KALRN: variants seen among roughly 807,000 people sequenced by gnomAD.
KALRN encodes kalirin RhoGEF kinase, also known as kalirin.
KALRN carries 70 observed loss-of-function variants against 353.7 expected under a neutral mutation model. That is an observed-to-expected ratio of 0.20 (90% CI 0.16 to 0.24). The LOEUF (loss-of-function observed/expected upper bound fraction) is 0.24. Among genes scored for constraint, KALRN ranks in the 10% least tolerant of loss-of-function variants. The pLI, the probability that KALRN is intolerant of heterozygous loss-of-function variation, is 1.00. For missense variants in KALRN, 2,791 were observed against 3,756.7 expected (o/e 0.74, Z 6.72); for synonymous variants, 1,391 against 1,434.8 (o/e 0.97, Z 0.69).
intron 56 of KALRN, among the ~76,000 whole-genome samples, chr3:124,700,734 G>A (rs1459084407): frequency 1.3e-5 from 2 of 152,112 alleles, no homozygotes; most frequent in African/African-American, 4.8e-5. Context: ...AGAGCAGTGG[G>A]TGGGGGGCAG....
chr3:124,176,447 G>A (rs777541090), intron 1 of KALRN, among the ~76,000 whole-genome samples: 3 of 152,148 alleles, frequency 2.0e-5, no homozygotes, highest in African/African-American at 2.4e-5. Flanking sequence ...AGTCCTCACC[G>A]TTGACTGGTG....
chr3:124,144,219 G>A (rs1455239591), intron 1 of KALRN, among the ~76,000 whole-genome samples: 1 of 152,128 alleles, frequency 6.6e-6, no homozygotes, highest in East Asian at 1.9e-4. Context: ...AGGTTGGAGA[G>A]GAGGCTGGGA....
chr3:124,450,319 G>A (rs983623779), intron 21 of KALRN, among the ~76,000 whole-genome samples: 4 of 152,102 alleles, frequency 2.6e-5, no homozygotes, highest in African/African-American at 9.7e-5. Flanking sequence ...ACTTTTTTAA[G>A]CTGGTAATTT....
At chr3:124,563,290 G>T (rs753549729) in intron 34 of KALRN, among the ~76,000 whole-genome samples, 2 of 152,202 alleles carry the variant, frequency 1.3e-5, no homozygotes, top group Non-Finnish European at 2.9e-5. Flanking sequence ...GTGACTTTGG[G>T]AAAGTCATTT....
intron 5 of KALRN, among the ~76,000 whole-genome samples, chr3:124,277,754 T>C (rs549406039): frequency 6.6e-6 from 1 of 152,298 alleles, no homozygotes; most frequent in East Asian, 1.9e-4. Context: ...TTGGCTCCCT[T>C]CCACGGTTCT....
chr3:124,122,316 G>A (rs555577511), intron 1 of KALRN, among the ~76,000 whole-genome samples: 1 of 152,018 alleles, frequency 6.6e-6, no homozygotes, highest in African/African-American at 2.4e-5. Context: ...TTATATGTAG[G>A]GGTGCACAAA....
chr3:124,677,430 T>A (rs1340854936), intron 49 of KALRN: 1 of 346,506 alleles, frequency 2.9e-6, no homozygotes, highest in African/African-American at 2.2e-5. Flanking sequence ...AGAAAGAAGT[T>A]AGGATGAAAG....
chr3:124,402,310 G>A (rs925528632), intron 13 of KALRN, among the ~76,000 whole-genome samples: 1 of 152,138 alleles, frequency 6.6e-6, no homozygotes, highest in Non-Finnish European at 1.5e-5. Context: ...TCAAAACCAG[G>A]CCCATAGCTG....
chr3:124,620,690 T>A (rs1444050323), intron 34 of KALRN, among the ~76,000 whole-genome samples: 1 of 152,176 alleles, frequency 6.6e-6, no homozygotes, highest in Non-Finnish European at 1.5e-5. Flanking sequence ...GATGGGGCAG[T>A]GAGTCCAGTG....
At chr3:124,677,619 G>T in intron 49 of KALRN, 1 of 456,498 alleles carries the variant, frequency 2.2e-6, no homozygotes, top group Non-Finnish European at 4.4e-6. Flanking sequence ...TAAATGAGTG[G>T]TGCTCAACTG....
At chr3:124,434,809 A>G (rs78455337) in intron 17 of KALRN, among the ~76,000 whole-genome samples, 3 of 152,364 alleles carry the variant, frequency 2.0e-5, no homozygotes, top group South Asian at 4.1e-4. Context: ...TTTGGGCAGT[A>G]TATTAGTCAG....
At chr3:124,584,937 C>A (rs1233369171) in intron 34 of KALRN, 2 of 1,572,520 alleles carry the variant, frequency 1.3e-6, no homozygotes, top group African/African-American at 2.7e-5. Flanking sequence ...TTGGTGCCTT[C>A]TGTTAGCCAG....
chr3:124,266,370 CAT>C (rs1395307609), intron 4 of KALRN, among the ~76,000 whole-genome samples: 1 of 151,874 alleles, frequency 6.6e-6, no homozygotes, highest in African/African-American at 2.4e-5. Context: ...TTATTTACTT[CAT>C]ATGTTTTTAT....
At chr3:124,179,825 T>C (rs1011047527) in intron 1 of KALRN, among the ~76,000 whole-genome samples, 1 of 152,244 alleles carries the variant, frequency 6.6e-6, no homozygotes, top group East Asian at 1.9e-4. Flanking sequence ...ATAAAAGTTA[T>C]GCAAATATGG....
chr3:124,073,120 C>T (rs1429922777), intron 1 of KALRN, among the ~76,000 whole-genome samples: 4 of 152,170 alleles, frequency 2.6e-5, no homozygotes, highest in Non-Finnish European at 5.9e-5. Flanking sequence ...AGTTGTGGTT[C>T]GTTGTTACTT....
intron 1 of KALRN, among the ~76,000 whole-genome samples, chr3:124,108,664 C>A (rs2062549832): frequency 6.6e-6 from 1 of 152,184 alleles, no homozygotes; most frequent in African/African-American, 2.4e-5. Flanking sequence ...GGGATAAATC[C>A]TTCATCAGCC....
intron 33 of KALRN, among the ~76,000 whole-genome samples, chr3:124,554,921 T>A (rs1180398465): frequency 6.6e-6 from 1 of 152,196 alleles, no homozygotes; most frequent in Non-Finnish European, 1.5e-5. Flanking sequence ...AAAATCTCCC[T>A]AACATGTTTA....
At chr3:124,679,845 A>C in intron 51 of KALRN, 1 of 390,038 alleles carries the variant, frequency 2.6e-6, no homozygotes. Context: ...TTTCATGGAA[A>C]ACAGCACTGT....
intron 28 of KALRN, 79 bp downstream of exon 28, chr3:124,482,979 T>G: frequency 2.1e-6 from 2 of 953,328 alleles, no homozygotes; most frequent in Non-Finnish European, 3.4e-6. Flanking sequence ...CCCCTAAGGA[T>G]AGGAATGCTT....
Sources: allele counts gnomAD v4.1 joint callset (sites outside exome capture counted in the v4.1 genomes callset), GRCh38; gene constraint gnomAD v4.1.1; transcripts MANE v1.5; gene names NCBI Gene and HGNC (gene_info 2026-07-23, HGNC 2026-07-21).